Variants in ZPR1 observed in about 807,000 individuals in gnomAD.
The protein encoded by ZPR1 is zinc finger protein ZPR1.
ZPR1 carries 37 observed loss-of-function variants against 59.6 expected under a neutral mutation model. That is an observed-to-expected ratio of 0.62 (90% CI 0.48 to 0.82). The LOEUF (loss-of-function observed/expected upper bound fraction) is 0.82. Ranked by LOEUF, ZPR1 falls within the 40% of genes least tolerant of loss-of-function variation. The pLI is 0.00. For synonymous variants in ZPR1, 191 were observed against 215.2 expected, an observed-to-expected ratio of 0.89 and a Z score of 0.99; for missense variants, 527 against 579.9, an observed-to-expected ratio of 0.91 and a Z score of 0.94.
Position 116,778,748 on chromosome 11 carries a change from A to G in ZPR1, c.*177T>C. On this transcript the variant is annotated 3_prime_UTR_variant, in exon 14 of 14. Coordinates refer to ENST00000227322, the MANE Select transcript of ZPR1 (RefSeq NM_003904.5). ...AGGTCAAGTAACACAATAGGCTCACACTTGCATCACAAGCTGTTTAGAAAG... is the reference window on the plus strand; with the variant it reads ...AGGTCAAGTAACACAATAGGCTCACGCTTGCATCACAAGCTGTTTAGAAAG... 2 of 794,740 alleles carry G rather than the reference A, an allele frequency of 2.5e-6. No individual in the cohort carries two copies. The highest frequency in any genetic ancestry group is 3.8e-6 in the Non-Finnish European group (2 of 522,636). The allele number at this position is 794,740 out of a possible 1,614,324, so 49.2% of individuals were successfully genotyped here.
chr11:116,783,521 G>A lies in ZPR1; in HGVS notation c.981+9C>T, dbSNP rs200351872. 1.2e-4 allele frequency: 191 copies of A among 1,609,702 alleles called. No individual in the cohort carries two copies. Among genetic ancestry groups the A allele is most frequent in the Non-Finnish European group, 1.6e-4 (184 of 1,176,072 alleles). On this transcript the variant is annotated intron_variant, in intron 10 of 13. Coordinates refer to ENST00000227322, the MANE Select transcript of ZPR1 (RefSeq NM_003904.5). ...AGGACAACAGTGACTTTCCCAAGCA[G>A]ACTGTTACCTTGAGGAGGTCTCTGG...
Position 116,777,836 on chromosome 11 carries a change from A to T in ZPR1, c.*1089T>A, listed in dbSNP as rs1422650871. Reference sequence around the variant, plus strand: ...GCAAAGAACACTGGCTGGGAAGTCCAGGGCCCAAGCAGCAGAGTGTTCACT... The same window carrying T: ...GCAAAGAACACTGGCTGGGAAGTCCTGGGCCCAAGCAGCAGAGTGTTCACT... On this transcript the variant is annotated 3_prime_UTR_variant, in exon 14 of 14. Coordinates refer to ENST00000227322, the MANE Select transcript of ZPR1 (RefSeq NM_003904.5). 1 of 152,192 alleles carries T rather than the reference A, an allele frequency of 6.6e-6. No homozygotes were observed. Among genetic ancestry groups the T allele is most frequent in the Non-Finnish European group, 1.5e-5 (1 of 68,020 alleles). 9.4% of individuals were successfully genotyped at this position (152,192 alleles called of 1,614,324 possible). A position where few individuals can be genotyped will look rare whatever the true frequency, so the allele number is the denominator to read the frequency against.
At chr11:116,783,069 C>A in intron 10 of ZPR1, 40 bp from the exon 11 acceptor site, 1 of 1,534,118 alleles carries the variant, frequency 6.5e-7, no homozygotes, top group Middle Eastern at 1.7e-4. Context: ...AAGTCAGAAG[C>A]AAAGAAAGCC....
At chr11:116,786,754 C>G (rs186398453) in intron 3 of ZPR1, among the ~76,000 whole-genome samples, 173 bp from the exon 4 acceptor site, 1 of 152,326 alleles carries the variant, frequency 6.6e-6, no homozygotes, top group Non-Finnish European at 1.5e-5. Context: ...TGCTAAAATT[C>G]TACAATAAAC....
chr11:116,779,745 T>C, intron 13 of ZPR1, 27 bp downstream of exon 13: 1 of 1,540,130 alleles, frequency 6.5e-7, no homozygotes, highest in Non-Finnish European at 8.9e-7. Flanking sequence ...TGTATCTCTA[T>C]GAAACATCAG....
At position 116,787,049 on chromosome 11, in the gene ZPR1, C is replaced by G. The variant is rs374152085; in HGVS notation, c.344G>C (p.Arg115Thr). Residue 115 changes from arginine (R) to threonine (T), a missense_variant, in exon 3 of 14, where the codon AGA (arginine) becomes ACA (threonine). Physicochemically the swap from Arg to Thr is moderately conservative, Grantham distance 71. Coordinates refer to ENST00000227322, the MANE Select transcript of ZPR1 (RefSeq NM_003904.5). ...LSVRALEDMNREVVKTDSAAT... is the reference protein window; with the variant it reads ...LSVRALEDMNTEVVKTDSAAT... ...AGCAGAGTCAGTCTTCACCACTTCT[C>G]TGTTCATGTCCTGGGAAGAAAAGAA... 5 of 1,613,970 alleles carry G rather than the reference C, an allele frequency of 3.1e-6. No homozygotes were observed. The highest frequency in any genetic ancestry group is 2.5e-6 in the Non-Finnish European group (3 of 1,179,930).
intron 4 of ZPR1, 104 bp downstream of exon 4, chr11:116,786,407 C>CCA: frequency 7.7e-7 from 1 of 1,295,140 alleles, no homozygotes; most frequent in Non-Finnish European, 1.1e-6. Flanking sequence ...CATATGCTTA[C>CCA]CCAGCAAGTT....
rs1940897564 is a variant in ZPR1 at position 116,786,997 on chromosome 11, A to G, written c.396T>C (p.Phe132=). 6.2e-7 allele frequency: 1 copy of G among 1,614,102 alleles called. No individual in the cohort carries two copies. The highest frequency in any genetic ancestry group is 8.5e-7 in the Non-Finnish European group (1 of 1,180,014). ...CTTTCTGGCTAAAGGCAGGAATTTCAAAATCTAGCTCAGGAATCCTTGTGG... is the reference window on the plus strand; with the variant it reads ...CTTTCTGGCTAAAGGCAGGAATTTCGAAATCTAGCTCAGGAATCCTTGTGG... The part of the protein sequence containing the change: ...SAATRIPELD[F]EIPAFSQKGA... The change falls in exon 3 of 14, where the codon TTT becomes TTC. Residue 132 remains phenylalanine (F), a synonymous_variant. Coordinates refer to ENST00000227322, the MANE Select transcript of ZPR1 (RefSeq NM_003904.5).
intron 2 of ZPR1, 100 bp downstream of exon 2, chr11:116,787,382 G>A: frequency 8.0e-7 from 1 of 1,254,738 alleles, no homozygotes; most frequent in Non-Finnish European, 1.1e-6. Flanking sequence ...AGGAGACATA[G>A]GGGGATTTAT....
rs552392178 is a variant in ZPR1, at chr11:116,777,862, G to A, written c.*1063C>T. ...GGGCCCAAGCAGCAGAGTGTTCACT[G>A]GTCCTTAACTTTCAGAAGAACTGCA... On this transcript the variant is annotated 3_prime_UTR_variant, in exon 14 of 14. Coordinates refer to ENST00000227322, the MANE Select transcript of ZPR1 (RefSeq NM_003904.5). 6 of 152,216 alleles carry A rather than the reference G, an allele frequency of 3.9e-5. No individual in the cohort carries two copies. Among genetic ancestry groups the A allele is most frequent in the African/African-American group, 1.2e-4 (5 of 41,530 alleles). 9.4% of individuals were successfully genotyped at this position (152,216 alleles called of 1,614,324 possible).
In ZPR1 at chr11:116,776,027, T is replaced by C. The variant is rs1213133288; in HGVS notation, c.*2898A>G. 6.6e-6 allele frequency: 1 copy of C among 152,234 alleles called. No individual in the cohort carries two copies. Among genetic ancestry groups the C allele is most frequent in the Non-Finnish European group, 1.5e-5 (1 of 68,054 alleles). 9.4% of individuals were successfully genotyped at this position (152,234 alleles called of 1,614,324 possible). A position where few individuals can be genotyped will look rare whatever the true frequency, so the allele number is the denominator to read the frequency against. ...TGATGTTAGAATGAAAGTGTTGCCA[T>C]CATTAAAGTTTTCAGTTGGCCAAGT... On this transcript the variant is annotated 3_prime_UTR_variant, in exon 14 of 14. Coordinates refer to ENST00000227322, the MANE Select transcript of ZPR1 (RefSeq NM_003904.5).
chr11:116,774,059 T>C lies in ZPR1; in HGVS notation c.*4866A>G, dbSNP rs558694179. 11 of 152,332 alleles carry C rather than the reference T, an allele frequency of 7.2e-5. No homozygotes were observed. Among genetic ancestry groups the C allele is most frequent in the Admixed American group, 5.9e-4 (9 of 15,296 alleles). The allele number at this position is 152,332 out of a possible 1,614,324, so 9.4% of individuals were successfully genotyped here. A position where few individuals can be genotyped will look rare whatever the true frequency, so the allele number is the denominator to read the frequency against. ...GATCTTTTTACCTCATCATATATGT[T>C]AGATTGTCAGTTTTATCGTTTTCTT... On this transcript the variant is annotated 3_prime_UTR_variant, in exon 14 of 14. Transcript: ENST00000227322.
chr11:116,787,276 A>G, intron 2 of ZPR1: 1 of 671,322 alleles, frequency 1.5e-6, no homozygotes, highest in Non-Finnish European at 2.5e-6. Context: ...TGCTCATTTC[A>G]TACCCTCAGA....
At position 116,778,918 on chromosome 11, in the gene ZPR1, C is replaced by T. The variant is rs1258193925; in HGVS notation, c.*7G>A. ...GCGCTGGAGGCTGGCCCTTGAGCCA[C>T]CCACTGCTACCGTTGCGGAGCCAGG... On this transcript the variant is annotated 3_prime_UTR_variant, in exon 14 of 14. Transcript: ENST00000227322. 1 of 1,613,284 alleles carries T rather than the reference C, an allele frequency of 6.2e-7. No individual in the cohort carries two copies. Among genetic ancestry groups the T allele is most frequent in the African/African-American group, 1.3e-5 (1 of 75,034 alleles).
intron 9 of ZPR1, 138 bp downstream of exon 9, chr11:116,784,240 C>T: frequency 1.3e-6 from 1 of 772,572 alleles, no homozygotes; most frequent in East Asian, 2.6e-5. Context: ...GGCTCATCAC[C>T]CTGCACTAGA....
chr11:116,783,110 G>A (rs1940833314), intron 10 of ZPR1, 81 bp from the exon 11 acceptor site: 1 of 1,037,522 alleles, frequency 9.6e-7, no homozygotes, highest in African/African-American at 1.6e-5. Context: ...ATTAATACCA[G>A]CAGTGATAGA....
chr11:116,787,463 T>A lies in ZPR1; in HGVS notation c.333+19A>T. ...TCTCTCTCTAGAATACTGAGGTACCTGCTCTGAGGTCCTCTCACCTCCAGA... is the reference window on the plus strand; with the variant it reads ...TCTCTCTCTAGAATACTGAGGTACCAGCTCTGAGGTCCTCTCACCTCCAGA... On this transcript the variant is annotated intron_variant, in intron 2 of 13. Transcript: ENST00000227322. 6.2e-7 allele frequency: 1 copy of A among 1,608,216 alleles called. No individual in the cohort carries two copies. Among genetic ancestry groups the A allele is most frequent in the Non-Finnish European group, 8.5e-7 (1 of 1,175,466 alleles).
rs1409802436 is a variant in ZPR1, at chr11:116,774,586, C to G, written c.*4339G>C. On this transcript the variant is annotated 3_prime_UTR_variant, in exon 14 of 14. Transcript: ENST00000227322. ...TATAATACAAAACAGGCTTGGGGAT[C>G]AGTCTTGAAGCATGAATTTTTACCC... is the stretch of plus-strand genomic sequence containing the variant. The G allele has an allele frequency of 6.6e-6, 1 of 152,090 alleles. No homozygotes were observed. Among genetic ancestry groups the G allele is most frequent in the South Asian group, 2.1e-4 (1 of 4,830 alleles). The allele number at this position is 152,090 out of a possible 1,614,324, so 9.4% of individuals were successfully genotyped here.
intron 4 of ZPR1, 83 bp from the exon 5 acceptor site, chr11:116,785,965 AG>A (rs1940881906): frequency 4.2e-6 from 5 of 1,181,942 alleles, no homozygotes; most frequent in Non-Finnish European, 5.1e-6. Context: ...TACTTCCATT[AG>A]GAAGTCACCA....
Sources: allele counts gnomAD v4.1 joint callset (sites outside exome capture counted in the v4.1 genomes callset), GRCh38; gene constraint gnomAD v4.1.1; transcripts MANE v1.5; gene names NCBI Gene and HGNC (gene_info 2026-07-23, HGNC 2026-07-21).